Variants in KIAA1217 observed in about 807,000 individuals in gnomAD.
KIAA1217 encodes the protein KIAA1217.
A neutral mutation model predicts 163.9 loss-of-function variants in KIAA1217; 88 were observed. The ratio of observed to expected loss-of-function variants is 0.54; its 90% CI spans 0.45 to 0.64. The LOEUF (loss-of-function observed/expected upper bound fraction) is 0.64, where lower values mean the gene tolerates loss of function less well. Among genes scored for constraint, KIAA1217 ranks in the 30% least tolerant of loss-of-function variants. The pLI is 0.00. For synonymous variants in KIAA1217, 903 were observed against 923.1 expected (o/e 0.98, Z 0.39); for missense variants, 2,372 against 2,475.0 (o/e 0.96, Z 0.88).
In KIAA1217 at chr10:24,355,834, C is replaced by T. The variant is rs915492967; in HGVS notation, c.355-25035C>T. Among the ~76,000 whole-genome samples, 89 of 143,170 alleles carry T rather than the reference C, an allele frequency of 6.2e-4. 1 individual carries two copies. The highest frequency in any genetic ancestry group is 5.8e-3 in the Admixed American group (81 of 13,964). The allele number at this position is 143,170 out of a possible 152,430, so 93.9% of individuals were successfully genotyped here. On this transcript the variant is annotated intron_variant, in intron 2 of 20. Coordinates refer to ENST00000376454, the MANE Select transcript of KIAA1217 (RefSeq NM_019590.5). ...CCCGATCTCGGCTCACTGCAACCTC[C>T]ACCTCCCGGGTTCAAGCCATTCTCC...
At chr10:24,457,212 A>G (rs2061881233) in intron 5 of KIAA1217, among the ~76,000 whole-genome samples, 1 of 152,154 alleles carries the variant, frequency 6.6e-6, no homozygotes, top group African/African-American at 2.4e-5. Flanking sequence ...GCAAAGATAA[A>G]AAGAGTTGGG....
chr10:24,521,416 A>T (rs2134590258), intron 11 of KIAA1217, among the ~76,000 whole-genome samples: 1 of 152,242 alleles, frequency 6.6e-6, no homozygotes, highest in Non-Finnish European at 1.5e-5. Context: ...CTGAGGCAGG[A>T]GGATCGCTTG....
chr10:24,016,216 C>A (rs762577297), intron 2 of KIAA1217, among the ~76,000 whole-genome samples: 9 of 152,098 alleles, frequency 5.9e-5, no homozygotes, highest in Non-Finnish European at 1.2e-4. Flanking sequence ...TGTATTCTTT[C>A]TTTCTGTGTA....
At chr10:23,748,810 C>A (rs552655976) in intron 1 of KIAA1217, among the ~76,000 whole-genome samples, 2 of 152,218 alleles carry the variant, frequency 1.3e-5, no homozygotes, top group Non-Finnish European at 2.9e-5. Flanking sequence ...GCACTACCTT[C>A]CTACTTCTGT....
At chr10:24,393,699 CAAG>C (rs1239315070) in intron 3 of KIAA1217, among the ~76,000 whole-genome samples, 2 of 152,134 alleles carry the variant, frequency 1.3e-5, no homozygotes, top group Admixed American at 6.5e-5. Context: ...GGTGTCCTTA[CAAG>C]AAGAACAGAT....
At chr10:24,177,361 G>GTATATATATA (rs58347791) in intron 2 of KIAA1217, among the ~76,000 whole-genome samples, 12 of 129,246 alleles carry the variant, frequency 9.3e-5, no homozygotes, top group African/African-American at 2.7e-4. Context: ...TATCATATGT[G>GTATATATATA]TATATATATA....
intron 1 of KIAA1217, among the ~76,000 whole-genome samples, chr10:23,826,542 T>A (rs1271758244): frequency 6.6e-6 from 1 of 152,186 alleles, no homozygotes; most frequent in African/African-American, 2.4e-5. Flanking sequence ...CAAAACTCCC[T>A]GCATTTCCTT....
At chr10:24,255,408 C>T (rs1437256163) in intron 2 of KIAA1217, 8 of 358,946 alleles carry the variant, frequency 2.2e-5, no homozygotes, top group African/African-American at 1.1e-4. Flanking sequence ...GGTTGTGGAG[C>T]GGGCGGGTCC....
chr10:23,784,614 G>C (rs943575957), intron 1 of KIAA1217, among the ~76,000 whole-genome samples: 1 of 151,520 alleles, frequency 6.6e-6, no homozygotes, highest in Admixed American at 6.6e-5. Context: ...TTTATCTTTT[G>C]TGCATTTAGT....
At chr10:24,256,811 G>A (rs550021859) in intron 2 of KIAA1217, among the ~76,000 whole-genome samples, 1 of 152,266 alleles carries the variant, frequency 6.6e-6, no homozygotes, top group African/African-American at 2.4e-5. Flanking sequence ...GTGTTGAGGT[G>A]ATATTGAGCC....
intron 1 of KIAA1217, among the ~76,000 whole-genome samples, chr10:23,749,056 G>C (rs7087952): frequency 0.087 from 13,267 of 152,058 alleles, 1,182 homozygotes; most frequent in African/African-American, 0.22. Flanking sequence ...GTTTTTATTG[G>C]TGTATATTTC....
At chr10:23,848,498 C>T (rs981239834) in intron 1 of KIAA1217, among the ~76,000 whole-genome samples, 1 of 151,996 alleles carries the variant, frequency 6.6e-6, no homozygotes, top group Non-Finnish European at 1.5e-5. Flanking sequence ...CATGTCAAAA[C>T]CTTTAAAGGA....
rs552812062 is a variant in KIAA1217, at chr10:23,971,866, A to G, written c.-320-35359A>G. On this transcript the variant is annotated intron_variant, in intron 1 of 18. Transcript: ENST00000376462. ...CTGAAAACTGCTACCTGGAGGCTTC[A>G]TCTGCATAATAAAAACCCTGGTTTC... Among the ~76,000 whole-genome samples, 4 of 152,292 alleles carry G rather than the reference A, an allele frequency of 2.6e-5. 1 individual carries two copies. The South Asian group carries it at 8.3e-4, about 32-fold the overall frequency.
chr10:24,329,034 C>T (rs2045316821), intron 2 of KIAA1217, among the ~76,000 whole-genome samples: 1 of 147,536 alleles, frequency 6.8e-6, no homozygotes, highest in Admixed American at 6.8e-5. Context: ...ATAGCATATA[C>T]TATATACATA....
intron 6 of KIAA1217, among the ~76,000 whole-genome samples, chr10:24,489,792 G>A (rs1284545307): frequency 1.4e-5 from 2 of 144,446 alleles, no homozygotes; most frequent in Non-Finnish European, 3.0e-5. Flanking sequence ...TGAGCTCGGT[G>A]AGTTGAGGCT....
intron 2 of KIAA1217, among the ~76,000 whole-genome samples, chr10:24,067,873 C>G (rs552295094): frequency 3.9e-5 from 6 of 152,220 alleles, no homozygotes; most frequent in Non-Finnish European, 7.3e-5. Context: ...TCACTGCTGC[C>G]TTACAGTTTG....
At chr10:24,508,450 C>G (rs907599711) in intron 9 of KIAA1217, among the ~76,000 whole-genome samples, 1 of 152,164 alleles carries the variant, frequency 6.6e-6, no homozygotes, top group Non-Finnish European at 1.5e-5. Flanking sequence ...GAAACCTACT[C>G]TGACATCTGT....
chr10:24,100,608 C>A (rs1272589005), intron 2 of KIAA1217, among the ~76,000 whole-genome samples: 1 of 152,136 alleles, frequency 6.6e-6, no homozygotes, highest in African/African-American at 2.4e-5. Context: ...TTGCTTTTAG[C>A]AAGGCTGTCA....
chr10:24,478,432 T>C (rs2064276017), intron 6 of KIAA1217, among the ~76,000 whole-genome samples: 1 of 152,246 alleles, frequency 6.6e-6, no homozygotes, highest in Non-Finnish European at 1.5e-5. Flanking sequence ...CTAGAATATC[T>C]GAAGAACACA....
Sources: allele counts gnomAD v4.1 joint callset (sites outside exome capture counted in the v4.1 genomes callset), GRCh38; gene constraint gnomAD v4.1.1; transcripts MANE v1.5; gene names NCBI Gene and HGNC (gene_info 2026-07-23, HGNC 2026-07-21).